Variants in THSD7B observed in about 807,000 individuals in gnomAD.
THSD7B encodes thrombospondin type 1 domain containing 7B.
In THSD7B, 138 loss-of-function variants were observed where a neutral mutation model predicts 213.6. The observed-to-expected ratio is 0.65, with a 90% CI of 0.56 to 0.74. The LOEUF is 0.74. THSD7B is among the 30% of genes least tolerant of loss of function. THSD7B has a pLI of 0.00. For synonymous variants in THSD7B, 742 were observed against 687.0 expected, an observed-to-expected ratio of 1.08 and a Z score of -1.25; for missense variants, 1,931 against 1,991.5, an observed-to-expected ratio of 0.97 and a Z score of 0.58.
intron 18 of THSD7B, among the ~76,000 whole-genome samples, chr2:137,617,351 G>A (rs753528184): frequency 1.2e-4 from 18 of 151,942 alleles, no homozygotes; most frequent in African/African-American, 4.4e-4. Flanking sequence ...TATGACCAAG[G>A]GTCTTCCTTT....
chr2:136,926,578 C>T (rs1169335819), intron 2 of THSD7B, among the ~76,000 whole-genome samples: 1 of 151,898 alleles, frequency 6.6e-6, no homozygotes, highest in Non-Finnish European at 1.5e-5. Context: ...CATGTGGTCC[C>T]AGCTGCTCAG....
chr2:137,415,110 TA>T (rs532008225), intron 14 of THSD7B, among the ~76,000 whole-genome samples: 1 of 150,878 alleles, frequency 6.6e-6, no homozygotes, highest in Non-Finnish European at 1.5e-5. Flanking sequence ...GATAATGACC[TA>T]AATCTGGATC....
intron 1 of THSD7B, among the ~76,000 whole-genome samples, chr2:136,822,648 T>C (rs1418471580): frequency 6.6e-6 from 1 of 152,220 alleles, no homozygotes; most frequent in East Asian, 1.9e-4. Flanking sequence ...TATACCCTGT[T>C]TAAAATATGC....
At chr2:137,479,317 T>C (rs1252116864) in intron 15 of THSD7B, among the ~76,000 whole-genome samples, 2 of 152,038 alleles carry the variant, frequency 1.3e-5, no homozygotes, top group Non-Finnish European at 2.9e-5. Flanking sequence ...TCAGGTGTCA[T>C]TGGTGGTGGG....
chr2:137,203,564 G>A (rs1295963344), intron 7 of THSD7B, among the ~76,000 whole-genome samples: 1 of 151,856 alleles, frequency 6.6e-6, no homozygotes, highest in Non-Finnish European at 1.5e-5. Context: ...AGTGAGAGAA[G>A]AGATAAGGAA....
intron 1 of THSD7B, among the ~76,000 whole-genome samples, chr2:136,876,730 A>G (rs1683531252): frequency 6.6e-6 from 1 of 152,220 alleles, no homozygotes; most frequent in African/African-American, 2.4e-5. Flanking sequence ...CACAATTCAT[A>G]TCACAGACAG....
chr2:137,615,861 C>G (rs994547350), intron 17 of THSD7B, among the ~76,000 whole-genome samples: 1 of 151,922 alleles, frequency 6.6e-6, no homozygotes, highest in Non-Finnish European at 1.5e-5. Flanking sequence ...ATACGGATCT[C>G]TTACATTGTT....
At chr2:136,775,494 A>T (rs748186104) in intron 1 of THSD7B, among the ~76,000 whole-genome samples, 20 of 152,108 alleles carry the variant, frequency 1.3e-4, no homozygotes, top group Non-Finnish European at 2.8e-4. Context: ...TTCTATTCAG[A>T]TGTACCCTTA....
At chr2:137,622,871 T>C (rs895466575) in intron 20 of THSD7B, among the ~76,000 whole-genome samples, 4 of 152,128 alleles carry the variant, frequency 2.6e-5, no homozygotes, top group African/African-American at 9.7e-5. Flanking sequence ...CAGGACCAGA[T>C]GGATTCACAG....
intron 21 of THSD7B, among the ~76,000 whole-genome samples, chr2:137,648,458 C>T (rs1417889772): frequency 6.6e-6 from 1 of 152,118 alleles, no homozygotes; most frequent in Non-Finnish European, 1.5e-5. Context: ...TTTTAGCTTC[C>T]ACATATGAGT....
At chr2:137,388,426 C>T (rs1159006904) in intron 12 of THSD7B, among the ~76,000 whole-genome samples, 1 of 151,316 alleles carries the variant, frequency 6.6e-6, no homozygotes, top group South Asian at 2.1e-4. Context: ...TTGTGGGGTA[C>T]CTATGATACT....
chr2:137,484,844 T>C (rs1470189056), intron 15 of THSD7B, among the ~76,000 whole-genome samples: 46 of 94,010 alleles, frequency 4.9e-4, no homozygotes, highest in African/African-American at 1.5e-3. Context: ...TGTTCATGTC[T>C]TTCACCCACT....
At chr2:137,284,131 A>G (rs1389271382) in intron 12 of THSD7B, among the ~76,000 whole-genome samples, 2 of 151,804 alleles carry the variant, frequency 1.3e-5, no homozygotes, top group African/African-American at 4.8e-5. Context: ...GTCTTGGGAG[A>G]GTGTATGTGT....
At chr2:137,038,821 C>T (rs10195534) in intron 2 of THSD7B, among the ~76,000 whole-genome samples, 1 of 152,034 alleles carries the variant, frequency 6.6e-6, no homozygotes, top group African/African-American at 2.4e-5. Context: ...TGGCACATTC[C>T]AGTTTGCTTT....
rs1425203201 is a variant in THSD7B, at chr2:137,008,387, A to C, written c.140-48033A>C. On this transcript the variant is annotated intron_variant, in intron 2 of 27. Coordinates refer to ENST00000409968, the MANE Select transcript of THSD7B (RefSeq NM_001316349.2). ...GGAAATCACTTTTAACTAAAGGGGA[A>C]CTATAAAACAAGTCATTCAACCCTA... is the stretch of plus-strand genomic sequence containing the variant. Among the ~76,000 whole-genome samples, 4 of 152,304 alleles carry C rather than the reference A, an allele frequency of 2.6e-5. No individual in the cohort carries two copies. The East Asian group carries it at 5.8e-4, about 22-fold the overall frequency.
At chr2:136,996,246 A>C (rs865862175) in intron 2 of THSD7B, among the ~76,000 whole-genome samples, 27 of 152,202 alleles carry the variant, frequency 1.8e-4, no homozygotes, top group Admixed American at 1.4e-3. Context: ...TAATTGGAAA[A>C]GACATGGAAA....
intron 2 of THSD7B, among the ~76,000 whole-genome samples, chr2:136,921,462 GTT>G (rs5834525): frequency 1.3e-3 from 185 of 147,764 alleles, no homozygotes; most frequent in African/African-American, 3.3e-3. Context: ...TCATATGCGG[GTT>G]TTTTTTTTTT....
At position 137,308,695 on chromosome 2, in the gene THSD7B, G is replaced by A. The variant is rs74900237; in HGVS notation, c.2500+32669G>A. Among the ~76,000 whole-genome samples the A allele has an allele frequency of 4.7e-4, 72 of 151,640 alleles. No homozygotes were observed. The East Asian group carries it at 9.3e-3, about 20-fold the overall frequency. ...AAAATCCCATTGTTTCATAGAATTC[G>A]TTGAGAAAAAGGTATAATAAAAATT... On this transcript the variant is annotated intron_variant, in intron 12 of 27. Coordinates refer to ENST00000409968, the MANE Select transcript of THSD7B (RefSeq NM_001316349.2).
intron 2 of THSD7B, among the ~76,000 whole-genome samples, chr2:137,027,293 T>C (rs1686573785): frequency 6.6e-6 from 1 of 152,160 alleles, no homozygotes; most frequent in Admixed American, 6.6e-5. Flanking sequence ...TCTTTCTGGT[T>C]GGCGTGTGTC....
Sources: allele counts gnomAD v4.1 joint callset (sites outside exome capture counted in the v4.1 genomes callset), GRCh38; gene constraint gnomAD v4.1.1; transcripts MANE v1.5; gene names NCBI Gene and HGNC (gene_info 2026-07-23, HGNC 2026-07-21).